The following NOL4 variants were observed in gnomAD, a reference collection of about 807,000 sequenced individuals.
NOL4 encodes cancer/testis antigen 125.
In NOL4, 17 loss-of-function variants were observed where a neutral mutation model predicts 75.9. That is an observed-to-expected ratio of 0.22 (90% CI 0.15 to 0.34). The LOEUF (loss-of-function observed/expected upper bound fraction) is 0.34. NOL4 is among the 10% of genes least tolerant of loss of function. The probability of loss-of-function intolerance (pLI) is 1.00; values close to 1 mark genes in which losing one functional copy is unlikely to be tolerated. For missense variants in NOL4, 614 were observed against 793.5 expected, an observed-to-expected ratio of 0.77 and a Z score of 2.72; for synonymous variants, 292 against 289.9, an observed-to-expected ratio of 1.01 and a Z score of -0.07.
At chr18:34,103,105 A>G (rs1161938627) in intron 4 of NOL4, among the ~76,000 whole-genome samples, 1 of 152,108 alleles carries the variant, frequency 6.6e-6, no homozygotes, top group Admixed American at 6.6e-5. Flanking sequence ...AAGTAATTTT[A>G]AAAGAATGCA....
chr18:33,894,715 A>G (rs1307083649), intron 9 of NOL4, among the ~76,000 whole-genome samples: 1 of 152,096 alleles, frequency 6.6e-6, no homozygotes, highest in Non-Finnish European at 1.5e-5. Flanking sequence ...TACACACACT[A>G]CATGATTTTA....
intron 4 of NOL4, 74 bp from the exon 5 acceptor site, chr18:34,093,671 C>T: frequency 8.8e-7 from 1 of 1,134,494 alleles, no homozygotes; most frequent in African/African-American, 1.6e-5. Flanking sequence ...TTTATCTACA[C>T]AGTCAATTGA....
chr18:34,155,100 G>C (rs923508197), intron 1 of NOL4, among the ~76,000 whole-genome samples: 2 of 151,888 alleles, frequency 1.3e-5, no homozygotes, highest in Non-Finnish European at 2.9e-5. Context: ...AGGATGACAA[G>C]AGTAGCTCCA....
At chr18:34,069,831 A>G (rs1187448221) in intron 5 of NOL4, among the ~76,000 whole-genome samples, 3 of 152,230 alleles carry the variant, frequency 2.0e-5, no homozygotes, top group South Asian at 2.1e-4. Flanking sequence ...CATCTGAAAT[A>G]ATTGGTCCCA....
chr18:34,006,666 G>T (rs1168438702), intron 6 of NOL4, among the ~76,000 whole-genome samples: 1 of 152,046 alleles, frequency 6.6e-6, no homozygotes, highest in Non-Finnish European at 1.5e-5. Flanking sequence ...ATATAGCATT[G>T]CTTCTAATCA....
intron 6 of NOL4, among the ~76,000 whole-genome samples, chr18:33,968,073 G>A (rs1285876405): frequency 6.6e-6 from 1 of 151,880 alleles, no homozygotes; most frequent in Non-Finnish European, 1.5e-5. Flanking sequence ...GTGACAGAGT[G>A]AGACTCCATC....
At chr18:34,111,191 T>A (rs2079570377) in intron 2 of NOL4, among the ~76,000 whole-genome samples, 1 of 152,176 alleles carries the variant, frequency 6.6e-6, no homozygotes, top group Admixed American at 6.5e-5. Flanking sequence ...TATGTGTGTG[T>A]GCACACATAG....
At chr18:34,089,110 T>G in intron 5 of NOL4, among the ~76,000 whole-genome samples, 1 of 152,112 alleles carries the variant, frequency 6.6e-6, no homozygotes, top group East Asian at 1.9e-4. Flanking sequence ...ATAACCATAG[T>G]GAAATAAAAA....
At chr18:34,137,935 G>A (rs561051782) in intron 1 of NOL4, among the ~76,000 whole-genome samples, 2 of 152,172 alleles carry the variant, frequency 1.3e-5, no homozygotes, top group African/African-American at 2.4e-5. Context: ...ACTGAAAAAT[G>A]TATAAGCAAA....
At position 34,224,032 on chromosome 18, in the gene NOL4, T is replaced by C. The variant is rs889276975; in HGVS notation, c.-779A>G. On this transcript the variant is annotated 5_prime_UTR_variant, in exon 1 of 11. Transcript: ENST00000261592. ...ATAAATTCCAGCCCTGTATGTAGATTCTACGAGTTAAGTCCCAGAAATTAG... is the reference window on the plus strand; with the variant it reads ...ATAAATTCCAGCCCTGTATGTAGATCCTACGAGTTAAGTCCCAGAAATTAG... 3 of 152,298 alleles carry C rather than the reference T, an allele frequency of 2.0e-5. No individual in the cohort carries two copies. The highest frequency in any genetic ancestry group is 4.4e-5 in the Non-Finnish European group (3 of 68,058). The allele number at this position is 152,298 out of a possible 1,614,324, so 9.4% of individuals were successfully genotyped here.
chr18:34,055,897 C>A (rs1379273724), intron 5 of NOL4, among the ~76,000 whole-genome samples: 1 of 151,854 alleles, frequency 6.6e-6, no homozygotes, highest in African/African-American at 2.4e-5. Flanking sequence ...GCTATTAAGT[C>A]TCTCTAAATA....
At chr18:34,108,160 T>A (rs1262166715) in intron 2 of NOL4, among the ~76,000 whole-genome samples, 1 of 152,184 alleles carries the variant, frequency 6.6e-6, no homozygotes, top group African/African-American at 2.4e-5. Flanking sequence ...TAAGTTATTT[T>A]ATGTAAGTGC....
At chr18:33,885,848 T>G (rs2064607704) in intron 9 of NOL4, among the ~76,000 whole-genome samples, 2 of 152,120 alleles carry the variant, frequency 1.3e-5, no homozygotes, top group Admixed American at 6.6e-5. Flanking sequence ...GAAAATCAAT[T>G]TATCAAAGAT....
chr18:33,872,099 T>C (rs2063727821), intron 10 of NOL4, among the ~76,000 whole-genome samples: 1 of 152,028 alleles, frequency 6.6e-6, no homozygotes, highest in Non-Finnish European at 1.5e-5. Context: ...CAATATCAAT[T>C]AAATTATAGG....
chr18:33,859,722 C>T (rs1567965994), intron 10 of NOL4, among the ~76,000 whole-genome samples: 2 of 152,002 alleles, frequency 1.3e-5, no homozygotes, highest in Non-Finnish European at 1.5e-5. Flanking sequence ...TGTACAAGAC[C>T]AGCCTGACCA....
chr18:34,188,136 T>A (rs2034634740), intron 1 of NOL4, among the ~76,000 whole-genome samples: 2 of 152,220 alleles, frequency 1.3e-5, no homozygotes, highest in South Asian at 4.1e-4. Flanking sequence ...ACAGGCGTTT[T>A]AAGAGTATCA....
In NOL4 at chr18:34,120,337, T is replaced by C. The variant is rs1489703468; in HGVS notation, c.414+9534A>G. ...ACATTTTACATCATAAGCTAGCACA[T>C]ATACACACTCATAAAATCAAACTGA... On this transcript the variant is annotated intron_variant, in intron 2 of 10. Transcript: ENST00000261592. Among the ~76,000 whole-genome samples the C allele has an allele frequency of 2.0e-5, 3 of 152,176 alleles. No individual in the cohort carries two copies. In the East Asian group the frequency reaches 5.8e-4, roughly 29 times the overall value.
chr18:34,193,937 A>G (rs1227663293), intron 1 of NOL4, among the ~76,000 whole-genome samples: 2 of 152,210 alleles, frequency 1.3e-5, no homozygotes, highest in Non-Finnish European at 2.9e-5. Context: ...AACAACATGG[A>G]TGAAGCTGGA....
intron 6 of NOL4, among the ~76,000 whole-genome samples, chr18:34,014,645 C>T (rs2074575164): frequency 6.6e-6 from 1 of 151,800 alleles, no homozygotes; most frequent in South Asian, 2.1e-4. Context: ...TCTCATTTTC[C>T]AAGCTCTTTA....
Sources: allele counts gnomAD v4.1 joint callset (sites outside exome capture counted in the v4.1 genomes callset), GRCh38; gene constraint gnomAD v4.1.1; transcripts MANE v1.5; gene names NCBI Gene and HGNC (gene_info 2026-07-23, HGNC 2026-07-21).